Variants in CAND1 observed in about 807,000 individuals in gnomAD.
The protein encoded by CAND1 is cullin-associated NEDD8-dissociated protein 1.
Under a neutral mutation model 108.5 loss-of-function variants are expected in CAND1, and 7 were observed. That is an observed-to-expected ratio of 0.06 (90% CI 0.04 to 0.12). The LOEUF is 0.12. Ranked by LOEUF, CAND1 falls within the 10% of genes least tolerant of loss-of-function variation. The probability of loss-of-function intolerance (pLI) is 1.00; values close to 1 mark genes in which losing one functional copy is unlikely to be tolerated. For synonymous variants in CAND1, 534 were observed against 512.0 expected (o/e 1.04, Z -0.58); for missense variants, 941 against 1,448.7 (o/e 0.65, Z 5.69).
chr12:67,299,629 G>A (rs2044805282), intron 7 of CAND1, among the ~76,000 whole-genome samples: 1 of 152,108 alleles, frequency 6.6e-6, no homozygotes, highest in South Asian at 2.1e-4. Flanking sequence ...AATACTGTTC[G>A]AGGCCCCATT....
At chr12:67,271,230 C>T (rs564393193) in intron 1 of CAND1, among the ~76,000 whole-genome samples, 1 of 152,076 alleles carries the variant, frequency 6.6e-6, no homozygotes, top group African/African-American at 2.4e-5. Context: ...GTTCTAGGGC[C>T]AAAATTAAGA....
chr12:67,277,431 T>C (rs1011785372), intron 1 of CAND1, among the ~76,000 whole-genome samples: 2 of 152,212 alleles, frequency 1.3e-5, no homozygotes, highest in African/African-American at 4.8e-5. Flanking sequence ...CTAACACATA[T>C]GTTTTTTTCA....
intron 2 of CAND1, among the ~76,000 whole-genome samples, chr12:67,288,941 A>G (rs2044697737): frequency 1.3e-5 from 2 of 152,180 alleles, no homozygotes; most frequent in South Asian, 4.1e-4. Context: ...TGACCCTTTT[A>G]TGAATATAAG....
At chr12:67,272,880 C>G (rs1359227746) in intron 1 of CAND1, among the ~76,000 whole-genome samples, 2 of 151,890 alleles carry the variant, frequency 1.3e-5, no homozygotes, top group African/African-American at 4.8e-5. Context: ...GTATTTTAGT[C>G]AAGACGGGGT....
At chr12:67,303,951 T>C (rs562585332) in intron 8 of CAND1, among the ~76,000 whole-genome samples, 15 of 152,188 alleles carry the variant, frequency 9.9e-5, no homozygotes, top group Admixed American at 6.5e-4. Context: ...ACCTCCTAAA[T>C]TTTTTATTGA....
intron 1 of CAND1, among the ~76,000 whole-genome samples, chr12:67,276,592 G>C (rs1398313538): frequency 6.6e-6 from 1 of 152,194 alleles, no homozygotes; most frequent in Non-Finnish European, 1.5e-5. Flanking sequence ...CTAAGCAGGG[G>C]GAAAGCTGTA....
chr12:67,283,996 T>C (rs2044644636), intron 2 of CAND1, among the ~76,000 whole-genome samples: 1 of 151,972 alleles, frequency 6.6e-6, no homozygotes, highest in Admixed American at 6.6e-5. Context: ...GGTTGGAAAA[T>C]CCCAATAGAT....
In CAND1 at chr12:67,310,078, A is replaced by G. The variant is rs760558732; in HGVS notation, c.3195+8A>G. ...AAGGAGCTTATAAGAGAGGTAAGTT[A>G]GATCACACTGTTTATTTGAGCTTGT... On this transcript the variant is annotated splice_region_variant and intron_variant, in intron 12 of 14. Coordinates refer to ENST00000545606, the MANE Select transcript of CAND1 (RefSeq NM_018448.5). The G allele has an allele frequency of 6.2e-7, 1 of 1,610,772 alleles. No homozygotes were observed. The highest frequency in any genetic ancestry group is 1.7e-5 in the Admixed American group (1 of 59,602).
Position 67,318,500 on chromosome 12 carries a change from A to G in CAND1, c.*5670A>G, listed in dbSNP as rs1422820576. ...GTACCTGGGACATACTAAGTAATAT[A>G]ATTGTTAACTCTTACTAGCATTCTG... On this transcript the variant is annotated 3_prime_UTR_variant, in exon 15 of 15. Coordinates refer to ENST00000545606, the MANE Select transcript of CAND1 (RefSeq NM_018448.5). 1.3e-5 allele frequency: 2 copies of G among 152,216 alleles called. No homozygotes were observed. The highest frequency in any genetic ancestry group is 2.9e-5 in the Non-Finnish European group (2 of 68,036). 9.4% of individuals were successfully genotyped at this position (152,216 alleles called of 1,614,324 possible).
chr12:67,298,321 A>G (rs1369742523), intron 6 of CAND1, among the ~76,000 whole-genome samples: 1 of 152,124 alleles, frequency 6.6e-6, no homozygotes, highest in Non-Finnish European at 1.5e-5. Context: ...AGAAGGCAAT[A>G]CAAGATAAGT....
intron 7 of CAND1, among the ~76,000 whole-genome samples, chr12:67,299,331 G>T (rs192742412): frequency 2.6e-5 from 4 of 152,180 alleles, no homozygotes; most frequent in Admixed American, 2.0e-4. Context: ...AATAAGGTGA[G>T]TGAAAAGTAT....
At chr12:67,278,788 G>T (rs2044593514) in intron 1 of CAND1, among the ~76,000 whole-genome samples, 1 of 152,194 alleles carries the variant, frequency 6.6e-6, no homozygotes, top group African/African-American at 2.4e-5. Context: ...CAAAGTGCTG[G>T]GATTACAGGC....
At chr12:67,271,466 A>G (rs560638912) in intron 1 of CAND1, among the ~76,000 whole-genome samples, 136 of 152,346 alleles carry the variant, frequency 8.9e-4, no homozygotes, top group Non-Finnish European at 1.5e-3. Flanking sequence ...TTGTTCAACT[A>G]GTCATTCTCC....
intron 1 of CAND1, among the ~76,000 whole-genome samples, chr12:67,276,579 G>A (rs1298538203): frequency 6.6e-6 from 1 of 152,180 alleles, no homozygotes; most frequent in Non-Finnish European, 1.5e-5. Flanking sequence ...AGGGAGGGCT[G>A]ACCTAAGCAG....
At position 67,318,036 on chromosome 12, in the gene CAND1, G is replaced by A. The variant is rs926572158; in HGVS notation, c.*5206G>A. 1.3e-5 allele frequency: 2 copies of A among 152,298 alleles called. No homozygotes were observed. The highest frequency in any genetic ancestry group is 4.8e-5 in the African/African-American group (2 of 41,458). 9.4% of individuals were successfully genotyped at this position (152,298 alleles called of 1,614,324 possible). On this transcript the variant is annotated 3_prime_UTR_variant, in exon 15 of 15. Coordinates refer to ENST00000545606, the MANE Select transcript of CAND1 (RefSeq NM_018448.5). ...TGATAAAGAACAAGGACTCTGGGAG[G>A]CCAAGGCAGGTGGATTGCTTGAGGT...
chr12:67,276,282 A>G (rs757695523), intron 1 of CAND1, among the ~76,000 whole-genome samples: 2 of 152,198 alleles, frequency 1.3e-5, no homozygotes, highest in Non-Finnish European at 2.9e-5. Flanking sequence ...CTAGTCTCCT[A>G]ATATAACTCA....
intron 8 of CAND1, 139 bp from the exon 9 acceptor site, chr12:67,304,466 A>G (rs2044858401): frequency 3.9e-6 from 3 of 776,428 alleles, no homozygotes; most frequent in Non-Finnish European, 6.1e-6. Context: ...TGTGTTAGCA[A>G]TAGCAATAGA....
chr12:67,301,610 G>T (rs1177653795), intron 7 of CAND1, among the ~76,000 whole-genome samples: 1 of 152,092 alleles, frequency 6.6e-6, no homozygotes, highest in African/African-American at 2.4e-5. Flanking sequence ...AATGTTTAAG[G>T]TTTAGCATTA....
chr12:67,305,865 T>A lies in CAND1; in HGVS notation c.2197T>A (p.Ser733Thr). Residue 733 changes from serine to threonine, a missense_variant, in exon 10 of 15, where the codon TCC becomes ACC. Transcript: ENST00000545606. This position sits in a 1 kb window ranked among gnomAD's most constrained non-coding sequence, Gnocchi z 4.4. ...YPSSLSKISG[S>T]ILNELIGLVR... ...CTCCTCCCTTTCAAAGATAAGTGGA[T>A]CCATTCTCAATGAACTTATTGGACT... 2 of 1,614,184 alleles carry A rather than the reference T, an allele frequency of 1.2e-6. No homozygotes were observed. Among genetic ancestry groups the A allele is most frequent in the East Asian group, 2.2e-5 (1 of 44,880 alleles).
Sources: allele counts gnomAD v4.1 joint callset (sites outside exome capture counted in the v4.1 genomes callset), GRCh38; gene constraint gnomAD v4.1.1; non-coding constraint Gnocchi (gnomAD v3.1); transcripts MANE v1.5; gene names NCBI Gene and HGNC (gene_info 2026-07-23, HGNC 2026-07-21).